Variants in LRRC4C observed in about 807,000 individuals in gnomAD.
The protein encoded by LRRC4C is leucine-rich repeat-containing protein 4C.
A neutral mutation model predicts 33.6 loss-of-function variants in LRRC4C; 5 were observed. That is an observed-to-expected ratio of 0.15 (90% CI 0.08 to 0.31). LRRC4C has a LOEUF of 0.31. LRRC4C is among the 10% of genes least tolerant of loss of function. The pLI, the probability that LRRC4C is intolerant of heterozygous loss-of-function variation, is 1.00. For synonymous variants in LRRC4C, 329 were observed against 302.0 expected, an observed-to-expected ratio of 1.09 and a Z score of -0.93; for missense variants, 560 against 796.7, an observed-to-expected ratio of 0.70 and a Z score of 3.58.
At chr11:41,287,642 A>T (rs12292800) in intron 1 of LRRC4C, among the ~76,000 whole-genome samples, 19,345 of 152,162 alleles carry the variant, frequency 0.13, 1,366 homozygotes, top group Middle Eastern at 0.24. Flanking sequence ...ACAGATATCA[A>T]TACACAAGCT....
chr11:40,464,365 C>CTA (rs1172017372), intron 3 of LRRC4C, among the ~76,000 whole-genome samples: 1 of 151,876 alleles, frequency 6.6e-6, no homozygotes, highest in Admixed American at 6.6e-5. Context: ...ACCCAGCCAA[C>CTA]ATCATACTGC....
chr11:41,265,314 A>G (rs894071438), intron 1 of LRRC4C, among the ~76,000 whole-genome samples: 64 of 152,152 alleles, frequency 4.2e-4, no homozygotes, highest in African/African-American at 1.5e-3. Context: ...GGTACGTTAG[A>G]GTAAACCAAG....
chr11:41,259,522 G>A (rs558251748), intron 1 of LRRC4C, among the ~76,000 whole-genome samples: 7 of 151,874 alleles, frequency 4.6e-5, no homozygotes, highest in Non-Finnish European at 5.9e-5. Context: ...TAAGCTCTGC[G>A]TATTAGGCTT....
intron 4 of LRRC4C, chr11:40,292,406 A>G (rs1175874735): frequency 1.3e-5 from 2 of 152,226 alleles, no homozygotes; most frequent in African/African-American, 4.8e-5. Flanking sequence ...CAATGCCTCA[A>G]TCTGCCGCGG....
At chr11:40,294,883 T>C (rs1309349042) in intron 4 of LRRC4C, among the ~76,000 whole-genome samples, 2 of 151,790 alleles carry the variant, frequency 1.3e-5, no homozygotes, top group African/African-American at 2.4e-5. Flanking sequence ...TCAGAAAGAA[T>C]CCAGAGTAGC....
At chr11:40,812,967 C>A (rs1197215979) in intron 2 of LRRC4C, among the ~76,000 whole-genome samples, 1 of 152,168 alleles carries the variant, frequency 6.6e-6, no homozygotes, top group Non-Finnish European at 1.5e-5. Flanking sequence ...TGATGATATA[C>A]AGTGCATTTC....
At chr11:41,203,647 C>T (rs149616060) in intron 1 of LRRC4C, among the ~76,000 whole-genome samples, 2 of 152,250 alleles carry the variant, frequency 1.3e-5, no homozygotes, top group East Asian at 1.9e-4. Context: ...CTTAGCTCTA[C>T]GAATTTGTGG....
In LRRC4C at chr11:40,114,297, C is replaced by T; in HGVS notation, c.*73G>A. ...ACTTTTTTGAAACAGTAGATTTAGC[C>T]CAGTCATTTGTGTCATTTTTAATAA... is the stretch of plus-strand genomic sequence containing the variant. On this transcript the variant is annotated 3_prime_UTR_variant, in exon 7 of 7. Transcript: ENST00000528697. 9.2e-6 allele frequency: 13 copies of T among 1,413,062 alleles called. No homozygotes were observed. Among genetic ancestry groups the T allele is most frequent in the South Asian group, 7.8e-5 (5 of 64,370 alleles). The allele number at this position is 1,413,062 out of a possible 1,614,324, so 87.5% of individuals were successfully genotyped here.
intron 3 of LRRC4C, among the ~76,000 whole-genome samples, chr11:40,337,415 T>A (rs1203649779): frequency 1.3e-5 from 2 of 152,192 alleles, no homozygotes; most frequent in Non-Finnish European, 1.5e-5. Context: ...AGATATCATT[T>A]ATGAAGCTAT....
chr11:40,153,940 G>T (rs76538897), intron 5 of LRRC4C, among the ~76,000 whole-genome samples: 113 of 152,224 alleles, frequency 7.4e-4, no homozygotes, highest in African/African-American at 2.6e-3. Flanking sequence ...GAACACTTGG[G>T]AAATTTATTA....
chr11:40,309,893 G>A (rs1373704844), intron 4 of LRRC4C, among the ~76,000 whole-genome samples: 3 of 152,152 alleles, frequency 2.0e-5, no homozygotes, highest in Non-Finnish European at 4.4e-5. Context: ...GGTTGAGGAG[G>A]GATGCTGAAC....
chr11:40,246,865 T>C (rs1212116997), intron 4 of LRRC4C, among the ~76,000 whole-genome samples: 2 of 152,184 alleles, frequency 1.3e-5, no homozygotes, highest in Non-Finnish European at 2.9e-5. Context: ...TTGATGCTCA[T>C]AGGAAGAAAA....
intron 1 of LRRC4C, among the ~76,000 whole-genome samples, chr11:41,219,541 T>A (rs1433851026): frequency 6.6e-6 from 1 of 152,228 alleles, no homozygotes; most frequent in Non-Finnish European, 1.5e-5. Flanking sequence ...AAGGTGTAGC[T>A]GTATTTAGAG....
intron 2 of LRRC4C, among the ~76,000 whole-genome samples, chr11:40,657,328 C>T (rs889520556): frequency 6.6e-6 from 1 of 152,146 alleles, no homozygotes; most frequent in African/African-American, 2.4e-5. Flanking sequence ...GTATAAGTAG[C>T]TCCAAATATT....
chr11:40,818,252 A>G (rs1951784925), intron 2 of LRRC4C, among the ~76,000 whole-genome samples: 1 of 152,082 alleles, frequency 6.6e-6, no homozygotes, highest in Non-Finnish European at 1.5e-5. Context: ...CATTCTTGTG[A>G]CACAAACCAT....
chr11:40,755,856 G>A (rs1948922230), intron 2 of LRRC4C, among the ~76,000 whole-genome samples: 4 of 151,936 alleles, frequency 2.6e-5, no homozygotes. Flanking sequence ...ATTTGTTATG[G>A]GCTAAATTGC....
intron 2 of LRRC4C, among the ~76,000 whole-genome samples, chr11:40,853,086 G>A (rs934673081): frequency 6.6e-6 from 1 of 152,162 alleles, no homozygotes; most frequent in Non-Finnish European, 1.5e-5. Flanking sequence ...ACCTAGTGAT[G>A]TCACAGCCTT....
intron 3 of LRRC4C, among the ~76,000 whole-genome samples, chr11:40,423,553 C>A (rs1950604448): frequency 6.6e-6 from 1 of 151,870 alleles, no homozygotes; most frequent in Non-Finnish European, 1.5e-5. Flanking sequence ...ACCGTGTTAG[C>A]CAGGATGGTC....
At chr11:40,341,697 T>C (rs1946875391) in intron 3 of LRRC4C, among the ~76,000 whole-genome samples, 1 of 152,160 alleles carries the variant, frequency 6.6e-6, no homozygotes, top group African/African-American at 2.4e-5. Context: ...TAAAAAAACT[T>C]TCAAATTGAT....
Sources: gnomAD v4.1 joint callset for allele counts (sites outside exome capture counted in the v4.1 genomes callset) on GRCh38, gnomAD v4.1.1 for gene constraint, MANE v1.5 for transcripts, NCBI Gene and HGNC (gene_info 2026-07-23, HGNC 2026-07-21) for gene names.